The following SLC22A24 variants were observed in gnomAD, a reference collection of about 807,000 sequenced individuals.
SLC22A24 encodes solute carrier family 22 member 24, also known as steroid transmembrane transporter SLC22A24.
SLC22A24 carries 53 observed loss-of-function variants against 49.8 expected under a neutral mutation model. The observed-to-expected ratio is 1.06, with a 90% CI of 0.85 to 1.34. SLC22A24 has a LOEUF of 1.34. Among genes scored for constraint, SLC22A24 ranks in the 40% most tolerant of loss-of-function variants. SLC22A24 has a pLI of 0.00. For missense variants in SLC22A24, 786 were observed against 675.9 expected, an observed-to-expected ratio of 1.16 and a Z score of -1.81; for synonymous variants, 302 against 256.4, an observed-to-expected ratio of 1.18 and a Z score of -1.70.
At position 63,096,091 on chromosome 11, in the gene SLC22A24, T is replaced by G. The variant is rs923395793; in HGVS notation, c.970A>C (p.Met324Leu). Reference sequence around the variant, plus strand: ...CGGACTGCATCCAACTCCTTCTTCATGGTGGATCTCACAAGCTTCAGCAAC... The same window carrying G: ...CGGACTGCATCCAACTCCTTCTTCAGGGTGGATCTCACAAGCTTCAGCAAC... Reference protein sequence around the residue: ...TLTTELVRSTMKKELDAVRIK... With the variant: ...TLTTELVRSTLKKELDAVRIK... The change falls in exon 6 of 10, where the codon ATG becomes CTG. Residue 324 changes from methionine (M) to leucine (L), a missense_variant. Met to Leu is a conservative substitution (Grantham distance 15). Coordinates refer to ENST00000612278, the MANE Select transcript of SLC22A24 (RefSeq NM_001136506.2). The G allele has an allele frequency of 9.0e-6, 14 of 1,549,818 alleles. No individual in the cohort carries two copies. In the Middle Eastern group the frequency reaches 5.0e-4, roughly 55 times the overall value.
At chr11:63,118,415 G>A (rs114434675) in intron 4 of SLC22A24, 2,708 of 162,558 alleles carry the variant, frequency 0.017, 79 homozygotes, top group African/African-American at 0.06. Context: ...TGCTAGTTTT[G>A]TGTTGCTTTT....
At chr11:63,100,402 T>C (rs2134648539) in intron 5 of SLC22A24, among the ~76,000 whole-genome samples, 1 of 152,204 alleles carries the variant, frequency 6.6e-6, no homozygotes, top group African/African-American at 2.4e-5. Context: ...AAAGCACTGA[T>C]GCAAGAAATC....
chr11:63,103,390 C>T (rs1346886792), intron 5 of SLC22A24, among the ~76,000 whole-genome samples: 1 of 152,058 alleles, frequency 6.6e-6, no homozygotes, highest in African/African-American at 2.4e-5. Context: ...TATGATAGCA[C>T]CTATTCTATA....
chr11:63,100,833 GA>G (rs2087085927), intron 5 of SLC22A24, among the ~76,000 whole-genome samples: 1 of 152,116 alleles, frequency 6.6e-6, no homozygotes, highest in African/African-American at 2.4e-5. Flanking sequence ...ATGGTGCTGA[GA>G]AAACTGGATA....
chr11:63,134,884 C>T (rs767009679), intron 1 of SLC22A24, 116 bp from the exon 2 acceptor site: 1 of 625,638 alleles, frequency 1.6e-6, no homozygotes, highest in Non-Finnish European at 2.8e-6. Context: ...GCAGGTCCTG[C>T]CTCCCTCTCC....
chr11:63,094,438 C>G (rs2087040172), intron 6 of SLC22A24, among the ~76,000 whole-genome samples: 1 of 152,110 alleles, frequency 6.6e-6, no homozygotes, highest in South Asian at 2.1e-4. Flanking sequence ...CCACAATAAA[C>G]ATACATGTGC....
intron 4 of SLC22A24, among the ~76,000 whole-genome samples, chr11:63,110,187 G>T (rs2087152701): frequency 6.6e-6 from 1 of 151,286 alleles, no homozygotes; most frequent in South Asian, 2.1e-4. Context: ...TGAGGGCTCT[G>T]TTCTGTTCCA....
chr11:63,087,064 A>AGG (rs1196638725), intron 6 of SLC22A24, among the ~76,000 whole-genome samples: 3 of 147,598 alleles, frequency 2.0e-5, no homozygotes, highest in Middle Eastern at 3.4e-3. Flanking sequence ...ACACAGAGGG[A>AGG]GAGAGAGAGA....
At chr11:63,107,572 T>A (rs544506719) in intron 4 of SLC22A24, among the ~76,000 whole-genome samples, 1 of 152,312 alleles carries the variant, frequency 6.6e-6, no homozygotes. Flanking sequence ...GAGCATGGAA[T>A]GTTTTTCCAC....
chr11:63,124,662 TACTA>T (rs1325124495), intron 2 of SLC22A24, among the ~76,000 whole-genome samples: 3 of 152,190 alleles, frequency 2.0e-5, no homozygotes, highest in Non-Finnish European at 4.4e-5. Flanking sequence ...TGTTAGCTCT[TACTA>T]ACAGTCTTTT....
intron 1 of SLC22A24, among the ~76,000 whole-genome samples, chr11:63,141,524 C>T (rs1248649048): frequency 2.6e-5 from 4 of 152,164 alleles, no homozygotes; most frequent in South Asian, 2.1e-4. Context: ...TTAAAACCCA[C>T]TGGGGAATCT....
At chr11:63,087,262 G>A (rs972942179) in intron 6 of SLC22A24, among the ~76,000 whole-genome samples, 42 of 152,146 alleles carry the variant, frequency 2.8e-4, no homozygotes, top group African/African-American at 9.9e-4. Flanking sequence ...GACTGGTTAG[G>A]CAGTGGCTGC....
At chr11:63,108,537 T>C (rs1272844764) in intron 4 of SLC22A24, among the ~76,000 whole-genome samples, 1 of 152,202 alleles carries the variant, frequency 6.6e-6, no homozygotes, top group Admixed American at 6.5e-5. Flanking sequence ...TCTGGTAGAA[T>C]TTGACTGTGA....
chr11:63,109,001 C>T (rs1013645801), intron 4 of SLC22A24, among the ~76,000 whole-genome samples: 1 of 116,828 alleles, frequency 8.6e-6, no homozygotes, highest in South Asian at 3.4e-4. Context: ...CCCCCCTCCC[C>T]CCACCCCACA....
chr11:63,101,803 A>G (rs1171578998), intron 5 of SLC22A24, among the ~76,000 whole-genome samples: 1 of 152,154 alleles, frequency 6.6e-6, no homozygotes, highest in Non-Finnish European at 1.5e-5. Flanking sequence ...ATGAAACTGG[A>G]GGTCATTATG....
chr11:63,105,771 G>C (rs1193622086), intron 4 of SLC22A24, among the ~76,000 whole-genome samples: 1 of 151,998 alleles, frequency 6.6e-6, no homozygotes, highest in Admixed American at 6.6e-5. Flanking sequence ...TCATTTTCTT[G>C]GTGATTAGCC....
chr11:63,121,647 T>C (rs2087252970), intron 2 of SLC22A24, among the ~76,000 whole-genome samples: 1 of 152,152 alleles, frequency 6.6e-6, no homozygotes, highest in South Asian at 2.1e-4. Context: ...AGTTTAATTT[T>C]ATTATTATAC....
At chr11:63,108,204 G>A (rs142916825) in intron 4 of SLC22A24, among the ~76,000 whole-genome samples, 5,959 of 152,214 alleles carry the variant, frequency 0.039, 171 homozygotes, top group Non-Finnish European at 0.063. Context: ...TGTGGTTTTT[G>A]TCATTGGTTC....
At chr11:63,129,140 G>A (rs753140824) in intron 2 of SLC22A24, among the ~76,000 whole-genome samples, 77 of 152,152 alleles carry the variant, frequency 5.1e-4, no homozygotes, top group East Asian at 9.6e-4. Context: ...TCCATCTTGA[G>A]TTAATTTTTG....
Sources: allele counts gnomAD v4.1 joint callset (sites outside exome capture counted in the v4.1 genomes callset), GRCh38; gene constraint gnomAD v4.1.1; transcripts MANE v1.5; gene names NCBI Gene and HGNC (gene_info 2026-07-23, HGNC 2026-07-21).